Variants in DLC1 observed in about 807,000 individuals in gnomAD.
DLC1 encodes the protein DLC1 Rho GTPase activating protein.
DLC1 carries 54 observed loss-of-function variants against 140.3 expected under a neutral mutation model. The observed-to-expected ratio is 0.38, with a 90% confidence interval of 0.31 to 0.48. DLC1 has a LOEUF of 0.48. Ranked by LOEUF, DLC1 falls within the 20% of genes least tolerant of loss-of-function variation. The pLI is 0.96. For missense variants in DLC1, 2,536 were observed against 1,907.0 expected, an observed-to-expected ratio of 1.33 and a Z score of -6.14; for synonymous variants, 986 against 728.1, an observed-to-expected ratio of 1.35 and a Z score of -5.70.
chr8:13,478,554 C>T (rs1032759490), intron 2 of DLC1, among the ~76,000 whole-genome samples: 2 of 152,196 alleles, frequency 1.3e-5, no homozygotes, highest in African/African-American at 4.8e-5. Context: ...AAATGCAAGA[C>T]ATCCCGTTAA....
chr8:13,210,438 T>C (rs112947573), intron 5 of DLC1, among the ~76,000 whole-genome samples: 17 of 152,296 alleles, frequency 1.1e-4, no homozygotes, highest in African/African-American at 4.1e-4. Flanking sequence ...AACAAACTTT[T>C]ATTGGAGATG....
upstream of DLC1, among the ~76,000 whole-genome samples, chr8:13,519,026 T>C (rs996509367): frequency 3.3e-5 from 5 of 152,188 alleles, no homozygotes; most frequent in Non-Finnish European, 5.9e-5. Context: ...AGTTCTAGGG[T>C]ACATGTGCAC....
intron 1 of DLC1, among the ~76,000 whole-genome samples, chr8:13,533,492 G>C (rs1012175757): frequency 6.6e-6 from 1 of 152,122 alleles, no homozygotes; most frequent in African/African-American, 2.4e-5. Context: ...TATGTAGCAT[G>C]TTGTAATTTT....
At chr8:13,194,378 T>C (rs905300619) in intron 5 of DLC1, among the ~76,000 whole-genome samples, 3 of 152,222 alleles carry the variant, frequency 2.0e-5, no homozygotes, top group Non-Finnish European at 2.9e-5. Flanking sequence ...TTTACACATA[T>C]TGTTACTGAT....
At chr8:13,540,410 C>T (rs1803443452) in intron 1 of DLC1, among the ~76,000 whole-genome samples, 1 of 152,090 alleles carries the variant, frequency 6.6e-6, no homozygotes, top group African/African-American at 2.4e-5. Flanking sequence ...TTTTTGTGGT[C>T]TTTATGAAAT....
chr8:13,537,320 G>T (rs1318468984), intron 1 of DLC1, among the ~76,000 whole-genome samples: 4 of 152,146 alleles, frequency 2.6e-5, no homozygotes, highest in African/African-American at 9.7e-5. Context: ...TGATCACGTG[G>T]GACATTGCAT....
chr8:13,328,024 T>A (rs1729094), intron 4 of DLC1, among the ~76,000 whole-genome samples: 16,985 of 152,164 alleles, frequency 0.11, 1,434 homozygotes, highest in East Asian at 0.41. Context: ...CAAGCTAGGA[T>A]CTTAAAATAG....
At chr8:13,263,026 A>G (rs1202666648) in intron 5 of DLC1, among the ~76,000 whole-genome samples, 1 of 152,228 alleles carries the variant, frequency 6.6e-6, no homozygotes, top group Non-Finnish European at 1.5e-5. Context: ...AATAGAGTAG[A>G]ATAAAAATAT....
At chr8:13,287,963 G>A (rs1831595202) in intron 5 of DLC1, among the ~76,000 whole-genome samples, 1 of 151,810 alleles carries the variant, frequency 6.6e-6, no homozygotes, top group Admixed American at 6.6e-5. Flanking sequence ...TTTAGAAACA[G>A]CTATTTTCTT....
In DLC1 at chr8:13,580,886, A is replaced by C. The variant is rs528615034; in HGVS notation, c.-126+23651T>G. Among the ~76,000 whole-genome samples the C allele has an allele frequency of 4.7e-4, 72 of 152,272 alleles. 1 individual carries two copies. Among genetic ancestry groups the C allele is most frequent in the Middle Eastern group, 6.8e-3 (2 of 294 alleles). Reference sequence around the variant, plus strand: ...ATGGCAAGAGAATGGATTGTTTTCTATTGTGATGAGGGGGTGAGGATGGGT... The same window carrying C: ...ATGGCAAGAGAATGGATTGTTTTCTCTTGTGATGAGGGGGTGAGGATGGGT... On this transcript the variant is annotated intron_variant, in intron 1 of 1. Transcript: ENST00000631382.
rs144017695 is a variant in DLC1, at chr8:13,446,168, T to A, written c.1024-44549A>T. ...TCCTTTGTTTAACTAGATCATATAATTTCCAGAAAACAAAGAACTTTTGAC... is the reference window on the plus strand; with the variant it reads ...TCCTTTGTTTAACTAGATCATATAAATTCCAGAAAACAAAGAACTTTTGAC... On this transcript the variant is annotated intron_variant, in intron 2 of 17. Coordinates refer to ENST00000276297, the MANE Select transcript of DLC1 (RefSeq NM_182643.3). 3.3e-3 allele frequency among the ~76,000 whole-genome samples: 500 copies of A among 152,296 alleles called. 2 individuals carry two copies. The Middle Eastern group carries it at 0.037, about 11-fold the overall frequency.
chr8:13,121,969 G>A (rs927254427), intron 5 of DLC1, among the ~76,000 whole-genome samples: 1 of 152,110 alleles, frequency 6.6e-6, no homozygotes, highest in Non-Finnish European at 1.5e-5. Context: ...AGGCAGCCAG[G>A]ATTGAGGACC....
intron 1 of DLC1, among the ~76,000 whole-genome samples, chr8:13,600,526 C>T (rs185821467): frequency 1.6e-4 from 25 of 151,924 alleles, no homozygotes; most frequent in South Asian, 1.2e-3. Context: ...GTTACTAGCA[C>T]GGTTCTCCAG....
At chr8:13,560,048 C>T (rs1020699236) in intron 1 of DLC1, among the ~76,000 whole-genome samples, 4 of 152,132 alleles carry the variant, frequency 2.6e-5, no homozygotes, top group African/African-American at 9.7e-5. Flanking sequence ...ATTTCCAAGA[C>T]AAAGTAGCAA....
chr8:13,579,351 ATATATATATATTTTTATAT>A lies in DLC1; in HGVS notation c.-126+25167_-126+25185del, dbSNP rs1563454025. On this transcript the variant is annotated intron_variant, in intron 1 of 1. Coordinates refer to the DLC1 transcript ENST00000631382. ...TATATATATATATATATATATATAT[ATATATATATATTTTTATAT>A]AATACATATTTATATATTATATATT... is the stretch of plus-strand genomic sequence containing the variant. Among the ~76,000 whole-genome samples the A allele has an allele frequency of 7.3e-4, 22 of 30,322 alleles. 4 individuals are homozygous for A. Among genetic ancestry groups the A allele is most frequent in the African/African-American group, 2.9e-3 (19 of 6,622 alleles). 19.9% of individuals were successfully genotyped at this position (30,322 alleles called of 152,430 possible).
At chr8:13,171,624 G>A (rs901008126) in intron 5 of DLC1, among the ~76,000 whole-genome samples, 2 of 152,110 alleles carry the variant, frequency 1.3e-5, no homozygotes, top group Admixed American at 1.3e-4. Flanking sequence ...CTGGCCTCAA[G>A]CAATCCTCCC....
At chr8:13,095,377 T>G (rs1818425477) in intron 10 of DLC1, 132 bp from the exon 11 acceptor site, 1 of 1,156,894 alleles carries the variant, frequency 8.6e-7, no homozygotes, top group Non-Finnish European at 1.2e-6. Context: ...AAATTTAAAT[T>G]AAACAAAATG....
chr8:13,550,130 C>G (rs576836483), intron 1 of DLC1, among the ~76,000 whole-genome samples: 1 of 152,184 alleles, frequency 6.6e-6, no homozygotes, highest in South Asian at 2.1e-4. Context: ...TCATCTTGAA[C>G]TGTAATGCTC....
chr8:13,360,396 C>G (rs59145747), intron 4 of DLC1, among the ~76,000 whole-genome samples: 11 of 152,252 alleles, frequency 7.2e-5, no homozygotes, highest in Middle Eastern at 6.8e-3. Context: ...AAGCCCCCCA[C>G]GAGATTATCA....
Sources: gnomAD v4.1 joint callset for allele counts (sites outside exome capture counted in the v4.1 genomes callset) on GRCh38, gnomAD v4.1.1 for gene constraint, MANE v1.5 for transcripts, NCBI Gene and HGNC (gene_info 2026-07-23, HGNC 2026-07-21) for gene names.